The following SLC17A1 variants were observed in gnomAD, a reference collection of about 807,000 sequenced individuals.
SLC17A1 encodes the protein sodium-dependent phosphate transport protein 1.
SLC17A1 carries 51 observed loss-of-function variants against 53.5 expected under a neutral mutation model. The ratio of observed to expected loss-of-function variants is 0.95; its 90% CI spans 0.76 to 1.20. SLC17A1 has a LOEUF of 1.20. Ranked by LOEUF, SLC17A1 falls within the 50% of genes most tolerant of loss-of-function variation. The pLI is 0.00. For synonymous variants in SLC17A1, 179 were observed against 198.8 expected (o/e 0.90, Z 0.84); for missense variants, 538 against 568.2 (o/e 0.95, Z 0.54).
intron 3 of SLC17A1, among the ~76,000 whole-genome samples, chr6:25,820,776 G>T (rs1764528028): frequency 6.6e-6 from 1 of 151,704 alleles, no homozygotes; most frequent in Non-Finnish European, 1.5e-5. Context: ...GCAGGCACCT[G>T]TAGTCCCAGC....
At chr6:25,770,323 T>C in the SLC17A1 span, 1 of 1,613,826 alleles carries the variant, frequency 6.2e-7, no homozygotes, top group Non-Finnish European at 8.5e-7. Context: ...TTTCCAGGTA[T>C]AAGTGGAATA....
chr6:25,736,126 T>C, the SLC17A1 span, among the ~76,000 whole-genome samples: 1 of 144,362 alleles, frequency 6.9e-6, no homozygotes, highest in Non-Finnish European at 1.5e-5. Context: ...GGGGGTGGGG[T>C]GGTAGGGGGA....
At chr6:25,756,939 A>T in the SLC17A1 span, among the ~76,000 whole-genome samples, 1 of 152,214 alleles carries the variant, frequency 6.6e-6, no homozygotes, top group Non-Finnish European at 1.5e-5. Context: ...TTTCAATTCA[A>T]CTAATTGCCC....
At chr6:25,725,071 T>C in the SLC17A1 span, among the ~76,000 whole-genome samples, 1 of 152,068 alleles carries the variant, frequency 6.6e-6, no homozygotes, top group Non-Finnish European at 1.5e-5. Flanking sequence ...CAATAATTTT[T>C]AATTTAGTTA....
downstream of SLC17A1, among the ~76,000 whole-genome samples, chr6:25,782,086 T>G (rs1892253): frequency 0.86 from 130,835 of 152,236 alleles, 56,779 homozygotes; most frequent in East Asian, 0.98. Flanking sequence ...TTAGGAGAAT[T>G]ATGAGAGATG....
chr6:25,735,136 A>G, the SLC17A1 span, among the ~76,000 whole-genome samples: 2 of 152,244 alleles, frequency 1.3e-5, no homozygotes, highest in African/African-American at 4.8e-5. Flanking sequence ...ATTGTATTAT[A>G]TGACAAGGGA....
At chr6:25,761,068 C>T in the SLC17A1 span, among the ~76,000 whole-genome samples, 1 of 152,142 alleles carries the variant, frequency 6.6e-6, no homozygotes, top group South Asian at 2.1e-4. Context: ...TTGAGTGAAT[C>T]AGACTGGGCT....
At chr6:25,824,410 A>C (rs1384657294) in intron 3 of SLC17A1, among the ~76,000 whole-genome samples, 1 of 151,844 alleles carries the variant, frequency 6.6e-6, no homozygotes, top group African/African-American at 2.4e-5. Flanking sequence ...TAAATAAATA[A>C]ACAAAAAATT....
chr6:25,824,152 T>A (rs1278387585), intron 3 of SLC17A1, among the ~76,000 whole-genome samples: 2 of 151,708 alleles, frequency 1.3e-5, no homozygotes, highest in African/African-American at 2.4e-5. Flanking sequence ...ACACAGAAAA[T>A]TTTTTTTGAT....
the SLC17A1 span, among the ~76,000 whole-genome samples, chr6:25,765,222 T>G: frequency 6.6e-6 from 1 of 152,242 alleles, no homozygotes; most frequent in Non-Finnish European, 1.5e-5. Flanking sequence ...ACAGGTACAC[T>G]TATGAAAGAT....
At chr6:25,812,516 T>G (rs553075747) in intron 8 of SLC17A1, among the ~76,000 whole-genome samples, 1 of 152,200 alleles carries the variant, frequency 6.6e-6, no homozygotes, top group East Asian at 1.9e-4. Flanking sequence ...AGGCCCCCAG[T>G]CCCTGCAGGG....
chr6:25,739,247 G>A, the SLC17A1 span, among the ~76,000 whole-genome samples: 3 of 152,150 alleles, frequency 2.0e-5, no homozygotes, highest in African/African-American at 4.8e-5. Context: ...GTATCCTCAC[G>A]TGGCAGAGAG....
Position 25,819,496 on chromosome 6 carries a change from G to A in SLC17A1, c.529+15C>T. 2 of 1,587,364 alleles carry A rather than the reference G, an allele frequency of 1.3e-6. No homozygotes were observed. Among genetic ancestry groups the A allele is most frequent in the Admixed American group, 1.7e-5 (1 of 59,928 alleles). ...TGAAGATAGGATTCAAACATTCTAGGCTTTAATTCTTTACCTGATGTACTC... is the reference window on the plus strand; with the variant it reads ...TGAAGATAGGATTCAAACATTCTAGACTTTAATTCTTTACCTGATGTACTC... On this transcript the variant is annotated intron_variant, in intron 5 of 12. Coordinates refer to ENST00000244527, the MANE Select transcript of SLC17A1 (RefSeq NM_005074.5).
In SLC17A1 at chr6:25,798,860, G is replaced by A. The variant is rs987826855; in HGVS notation, c.1329C>T (p.Gly443=). The A allele has an allele frequency of 1.9e-6, 3 of 1,609,486 alleles. No homozygotes were observed. Among genetic ancestry groups the A allele is most frequent in the African/African-American group, 1.3e-5 (1 of 74,982 alleles). Residue 443 remains glycine (G), a synonymous_variant, in exon 12 of 13, where the codon GGC becomes GGT. Coordinates refer to ENST00000244527, the MANE Select transcript of SLC17A1 (RefSeq NM_005074.5). ...TAGCAACTATAAGGTAGAAAATTAGGCCAGTCACATTAATGGCTGCCATCA... is the reference window on the plus strand; with the variant it reads ...TAGCAACTATAAGGTAGAAAATTAGACCAGTCACATTAATGGCTGCCATCA... ...FILMAAINVT[G]LIFYLIVATA... is the part of the protein sequence containing the mutation.
the SLC17A1 span, chr6:25,770,889 T>C: frequency 6.6e-7 from 1 of 1,524,500 alleles, no homozygotes; most frequent in Non-Finnish European, 9.1e-7. Flanking sequence ...CCAAGACGAG[T>C]CCTCTCACCC....
At chr6:25,740,913 A>G in the SLC17A1 span, among the ~76,000 whole-genome samples, 1 of 152,200 alleles carries the variant, frequency 6.6e-6, no homozygotes, top group Non-Finnish European at 1.5e-5. Context: ...GAAATAAGAC[A>G]GGCATAGAAA....
chr6:25,726,416 C>T, the SLC17A1 span: 6 of 1,614,132 alleles, frequency 3.7e-6, no homozygotes, highest in East Asian at 1.1e-4. Context: ...GCATAGTTTC[C>T]CTTACGAAGC....
At chr6:25,817,009 A>G (rs1764382539) in intron 6 of SLC17A1, among the ~76,000 whole-genome samples, 1 of 152,004 alleles carries the variant, frequency 6.6e-6, no homozygotes, top group African/African-American at 2.4e-5. Flanking sequence ...CACCACGCCC[A>G]GCTAATTTTT....
chr6:25,800,664 C>T (rs1337339578), intron 11 of SLC17A1, among the ~76,000 whole-genome samples: 1 of 152,108 alleles, frequency 6.6e-6, no homozygotes, highest in East Asian at 1.9e-4. Flanking sequence ...TACCAATGGG[C>T]AATTACTAAA....
Sources: allele counts gnomAD v4.1 joint callset (sites outside exome capture counted in the v4.1 genomes callset), GRCh38; gene constraint gnomAD v4.1.1; transcripts MANE v1.5; gene names NCBI Gene and HGNC (gene_info 2026-07-23, HGNC 2026-07-21).